KDM5A: variants seen among roughly 807,000 people sequenced by gnomAD.
KDM5A encodes the protein lysine-specific demethylase 5A.
A neutral mutation model predicts 193.5 loss-of-function variants in KDM5A; 42 were observed. The observed-to-expected ratio is 0.22, with a 90% CI of 0.17 to 0.28. The LOEUF is 0.28. Among genes scored for constraint, KDM5A ranks in the 10% least tolerant of loss-of-function variants. The probability of loss-of-function intolerance (pLI) is 1.00; values close to 1 mark genes in which losing one functional copy is unlikely to be tolerated. For missense variants in KDM5A, 1,692 were observed against 2,055.1 expected (o/e 0.82, Z 3.42); for synonymous variants, 796 against 718.1 (o/e 1.11, Z -1.73).
chr12:356,566 A>G, intron 5 of KDM5A, 29 bp from the exon 6 acceptor site: 1 of 1,384,598 alleles, frequency 7.2e-7, no homozygotes, highest in Non-Finnish European at 1.0e-6. Context: ...TCACATTAGC[A>G]TAATCATGCT....
chr12:343,587 G>C (rs2137438259), intron 10 of KDM5A, among the ~76,000 whole-genome samples: 1 of 152,188 alleles, frequency 6.6e-6, no homozygotes, highest in East Asian at 1.9e-4. Flanking sequence ...AATATTTGCT[G>C]TTCTGCAGCC....
At chr12:341,675 G>A (rs980787945) in intron 10 of KDM5A, among the ~76,000 whole-genome samples, 1 of 152,308 alleles carries the variant, frequency 6.6e-6, no homozygotes, top group Non-Finnish European at 1.5e-5. Flanking sequence ...GCCAAGGTGA[G>A]CGAATCACGA....
intron 9 of KDM5A, among the ~76,000 whole-genome samples, chr12:351,716 C>G (rs1479935839): frequency 6.6e-6 from 1 of 152,126 alleles, no homozygotes; most frequent in African/African-American, 2.4e-5. Flanking sequence ...CATCTGTAAT[C>G]CCAACACTTT....
At chr12:374,311 C>G (rs915525387) in intron 3 of KDM5A, among the ~76,000 whole-genome samples, 1 of 152,146 alleles carries the variant, frequency 6.6e-6, no homozygotes, top group South Asian at 2.1e-4. Context: ...CTTCTTGTTG[C>G]ATTGATCCCT....
intron 3 of KDM5A, among the ~76,000 whole-genome samples, chr12:369,520 C>T (rs1369427982): frequency 6.6e-6 from 1 of 152,040 alleles, no homozygotes; most frequent in Non-Finnish European, 1.5e-5. Flanking sequence ...AATTAAAAAG[C>T]AGTCAAGGGG....
chr12:340,681 C>G (rs1303746938), intron 10 of KDM5A, among the ~76,000 whole-genome samples: 1 of 112,014 alleles, frequency 8.9e-6, no homozygotes, highest in Non-Finnish European at 1.6e-5. Flanking sequence ...GGCAACAGTG[C>G]GAGACTCCAT....
intron 25 of KDM5A, among the ~76,000 whole-genome samples, chr12:296,810 G>A (rs1318095194): frequency 6.6e-6 from 1 of 152,182 alleles, no homozygotes; most frequent in African/African-American, 2.4e-5. Flanking sequence ...GGCCCCTCAA[G>A]TTCTTCTAAT....
At chr12:293,376 T>C (rs949951826) in intron 26 of KDM5A, among the ~76,000 whole-genome samples, 1 of 152,186 alleles carries the variant, frequency 6.6e-6, no homozygotes, top group African/African-American at 2.4e-5. Flanking sequence ...AGGAAATGAA[T>C]AGTGGTGACA....
intron 3 of KDM5A, among the ~76,000 whole-genome samples, chr12:370,812 G>T (rs1475524307): frequency 6.6e-6 from 1 of 152,114 alleles, no homozygotes; most frequent in Non-Finnish European, 1.5e-5. Flanking sequence ...TCACCTTCCT[G>T]TGTCCAAGTG....
In KDM5A at chr12:283,092, T is replaced by C. The variant is rs1943175206; in HGVS notation, c.*2364A>G. The C allele has an allele frequency of 1.3e-5, 3 of 230,988 alleles. No homozygotes were observed. The South Asian group carries it at 5.4e-4, about 42-fold the overall frequency. The allele number at this position is 230,988 out of a possible 1,614,324, so 14.3% of individuals were successfully genotyped here. A position where few individuals can be genotyped will look rare whatever the true frequency, so the allele number is the denominator to read the frequency against. On this transcript the variant is annotated 3_prime_UTR_variant, in exon 28 of 28. Coordinates refer to ENST00000399788, the MANE Select transcript of KDM5A (RefSeq NM_001042603.3). ...AGCTATTCATACTTTCTCAGCATCC[T>C]CATGACTCTCCACTGATAGTGGAAT...
At chr12:377,034 G>GA (rs35475782) in intron 3 of KDM5A, among the ~76,000 whole-genome samples, 86,533 of 148,154 alleles carry the variant, frequency 0.58, 27,197 homozygotes, top group Non-Finnish European at 0.72. Flanking sequence ...CTAAAACAAG[G>GA]AAAAAAAAAA....
intron 10 of KDM5A, among the ~76,000 whole-genome samples, chr12:342,874 G>A (rs1944024349): frequency 1.3e-5 from 2 of 152,038 alleles, no homozygotes; most frequent in Admixed American, 1.3e-4. Flanking sequence ...CAGAAGACGG[G>A]TGATTTCTGC....
intron 5 of KDM5A, among the ~76,000 whole-genome samples, chr12:359,861 CAAGG>C (rs1315079051): frequency 2.7e-5 from 4 of 149,412 alleles, no homozygotes; most frequent in Admixed American, 1.3e-4. Context: ...AGGGAGGAAA[CAAGG>C]AAGGAAGGAA....
At chr12:318,933 C>G (rs975810266) in intron 18 of KDM5A, among the ~76,000 whole-genome samples, 5 of 152,138 alleles carry the variant, frequency 3.3e-5, no homozygotes, top group African/African-American at 9.7e-5. Context: ...AGAAGACAAA[C>G]TGAAACTAAA....
intron 18 of KDM5A, 136 bp downstream of exon 18, chr12:320,859 C>A: frequency 2.9e-6 from 2 of 694,002 alleles, no homozygotes; most frequent in East Asian, 2.6e-5. Flanking sequence ...ACTAAAGAAC[C>A]TCAAATAGCA....
At chr12:323,498 A>C in intron 15 of KDM5A, 102 bp downstream of exon 15, 2 of 1,212,850 alleles carry the variant, frequency 1.6e-6, no homozygotes, top group Non-Finnish European at 2.4e-6. Flanking sequence ...TGAAGTTTAG[A>C]AGTCCAGAGT....
At chr12:379,173 AT>A (rs919091520) in intron 3 of KDM5A, among the ~76,000 whole-genome samples, 4 of 150,868 alleles carry the variant, frequency 2.7e-5, no homozygotes, top group African/African-American at 9.9e-5. Flanking sequence ...CAAATCATAT[AT>A]AAAAAAAAAA....
intron 3 of KDM5A, among the ~76,000 whole-genome samples, chr12:370,104 C>T (rs1944406843): frequency 6.6e-6 from 1 of 152,162 alleles, no homozygotes; most frequent in Non-Finnish European, 1.5e-5. Context: ...TTTAAAAATA[C>T]AAACCAGGCC....
intron 19 of KDM5A, among the ~76,000 whole-genome samples, chr12:314,229 G>A (rs114596634): frequency 0.012 from 1,874 of 151,958 alleles, 49 homozygotes; most frequent in African/African-American, 0.042. Flanking sequence ...TTTGAGTCTC[G>A]GGGTCACCCA....
Sources: gnomAD v4.1 joint callset for allele counts (sites outside exome capture counted in the v4.1 genomes callset) on GRCh38, gnomAD v4.1.1 for gene constraint, MANE v1.5 for transcripts, NCBI Gene and HGNC (gene_info 2026-07-23, HGNC 2026-07-21) for gene names.